The following TRAPPC13 variants were observed in gnomAD, a reference collection of about 807,000 sequenced individuals.
TRAPPC13 encodes REV7-interacting novel NHEJ regulator 1.
In TRAPPC13, 39 loss-of-function variants were observed where a neutral mutation model predicts 54.0. That is an observed-to-expected ratio of 0.72 (90% CI 0.56 to 0.94). The LOEUF is 0.94. Among genes scored for constraint, TRAPPC13 ranks in the 40% least tolerant of loss-of-function variants. The pLI, the probability that TRAPPC13 is intolerant of heterozygous loss-of-function variation, is 0.00. For synonymous variants in TRAPPC13, 148 were observed against 167.7 expected, an observed-to-expected ratio of 0.88 and a Z score of 0.91; for missense variants, 386 against 488.1, an observed-to-expected ratio of 0.79 and a Z score of 1.97.
chr5:65,654,401 C>T (rs1756576339), intron 7 of TRAPPC13, among the ~76,000 whole-genome samples: 1 of 152,054 alleles, frequency 6.6e-6, no homozygotes, highest in African/African-American at 2.4e-5. Context: ...AAACTTCAAT[C>T]AAAATAATTT....
At position 65,665,299 on chromosome 5, in the gene TRAPPC13, A is replaced by G. The variant is rs1757001845; in HGVS notation, c.*688A>G. 6.6e-6 allele frequency: 1 copy of G among 152,196 alleles called. No homozygotes were observed. The highest frequency in any genetic ancestry group is 2.4e-5 in the African/African-American group (1 of 41,456). The allele number at this position is 152,196 out of a possible 1,614,324, so 9.4% of individuals were successfully genotyped here. A position where few individuals can be genotyped will look rare whatever the true frequency, so the allele number is the denominator to read the frequency against. ...GAACTTTGTAATATTTTGGTTAGAA[A>G]TATTTCAGTTAACTCCAGTTTTTTC... is the stretch of plus-strand genomic sequence containing the variant. On this transcript the variant is annotated 3_prime_UTR_variant, in exon 13 of 13. Coordinates refer to ENST00000399438, the MANE Select transcript of TRAPPC13 (RefSeq NM_024941.4).
Position 65,665,401 on chromosome 5 carries a change from C to G in TRAPPC13, c.*790C>G, listed in dbSNP as rs1255498238. On this transcript the variant is annotated 3_prime_UTR_variant, in exon 13 of 13. Coordinates refer to ENST00000399438, the MANE Select transcript of TRAPPC13 (RefSeq NM_024941.4). ...TCTTATAACCTGATATTTGTCAACA[C>G]AGTATAAGCTTTCTAGTTGTTTTCA... 2.0e-5 allele frequency: 3 copies of G among 152,150 alleles called. No individual in the cohort carries two copies. Among genetic ancestry groups the G allele is most frequent in the Admixed American group, 6.5e-5 (1 of 15,270 alleles). 9.4% of individuals were successfully genotyped at this position (152,150 alleles called of 1,614,324 possible). A position where few individuals can be genotyped will look rare whatever the true frequency, so the allele number is the denominator to read the frequency against.
At position 65,637,824 on chromosome 5, in the gene TRAPPC13, AG is replaced by A. The variant is rs756755635; in HGVS notation, c.300+46del. 4 of 1,298,452 alleles carry A rather than the reference AG, an allele frequency of 3.1e-6. No homozygotes were observed. The African/African-American group carries it at 4.6e-5, about 15-fold the overall frequency. The allele number at this position is 1,298,452 out of a possible 1,614,324, so 80.4% of individuals were successfully genotyped here. ...TGGGATGTATTTTAGTCTTTAACAAAGGTTTTTTTTTAGGCCGGGCATGGTG... is the reference window on the plus strand; with the variant it reads ...TGGGATGTATTTTAGTCTTTAACAAAGTTTTTTTTTAGGCCGGGCATGGTG... On this transcript the variant is annotated intron_variant, in intron 4 of 12. Coordinates refer to ENST00000399438, the MANE Select transcript of TRAPPC13 (RefSeq NM_024941.4).
intron 6 of TRAPPC13, 144 bp from the exon 7 acceptor site, chr5:65,652,356 TG>T: frequency 1.2e-5 from 5 of 430,330 alleles, no homozygotes; most frequent in African/African-American, 2.1e-5. Context: ...TTTTTTTTTT[TG>T]GAAGAATATT....
chr5:65,660,399 G>A (rs1375861496), intron 9 of TRAPPC13, among the ~76,000 whole-genome samples: 1 of 150,914 alleles, frequency 6.6e-6, no homozygotes, highest in Non-Finnish European at 1.5e-5. Flanking sequence ...CAGCCTGGGT[G>A]ACAGAGCAAG....
chr5:65,645,176 C>T (rs165978), intron 4 of TRAPPC13, among the ~76,000 whole-genome samples: 84,904 of 143,010 alleles, frequency 0.59, 25,364 homozygotes, highest in Non-Finnish European at 0.64. Context: ...CCAGCCTGGG[C>T]AACAAGAGTG....
intron 11 of TRAPPC13, 67 bp from the exon 12 acceptor site, chr5:65,664,170 G>C: frequency 6.7e-7 from 1 of 1,499,112 alleles, no homozygotes; most frequent in South Asian, 1.3e-5. Context: ...GTCACTAGTA[G>C]AAATATTGCA....
chr5:65,636,648 A>G (rs1398290830), intron 3 of TRAPPC13, among the ~76,000 whole-genome samples: 2 of 152,182 alleles, frequency 1.3e-5, no homozygotes, highest in Non-Finnish European at 2.9e-5. Flanking sequence ...CATCTTTTTC[A>G]GAAGCCAGTC....
chr5:65,629,544 C>G, intron 1 of TRAPPC13: 2 of 1,472,230 alleles, frequency 1.4e-6, no homozygotes, highest in Non-Finnish European at 1.8e-6. Flanking sequence ...AGGAGTTCAA[C>G]TAAGAAATTT....
chr5:65,663,398 T>C (rs1756910001), intron 11 of TRAPPC13: 1 of 152,140 alleles, frequency 6.6e-6, no homozygotes, highest in African/African-American at 2.4e-5. Flanking sequence ...AAATTAACAA[T>C]ATTCATGTAG....
chr5:65,649,160 G>A (rs1209501677), intron 5 of TRAPPC13, among the ~76,000 whole-genome samples: 2 of 152,098 alleles, frequency 1.3e-5, no homozygotes, highest in African/African-American at 2.4e-5. Flanking sequence ...AGGCTTCAGT[G>A]ATCCATGATC....
chr5:65,652,061 G>A (rs966495486), intron 6 of TRAPPC13, among the ~76,000 whole-genome samples: 6 of 151,630 alleles, frequency 4.0e-5, no homozygotes, highest in Non-Finnish European at 8.8e-5. Context: ...ACGGGGTTTT[G>A]CCATGTTGGC....
intron 4 of TRAPPC13, among the ~76,000 whole-genome samples, chr5:65,642,676 C>T (rs905929111): frequency 4.6e-5 from 7 of 151,990 alleles, no homozygotes; most frequent in Non-Finnish European, 7.4e-5. Flanking sequence ...ATTCTCATTA[C>T]TTTTGATTTT....
intron 1 of TRAPPC13, among the ~76,000 whole-genome samples, chr5:65,627,151 A>AAAAAAAAAAAAAAAAAAAAAAAC (rs1755279303): frequency 6.7e-6 from 1 of 149,948 alleles, no homozygotes; most frequent in Non-Finnish European, 1.5e-5. Context: ...AAAAAAAAAA[A>AAAAAAAAAAAAAAAAAAAAAAAC]AAAAAAGAAC....
chr5:65,652,339 CTTTTTTTTTTT>C (rs11354403), intron 6 of TRAPPC13, among the ~76,000 whole-genome samples, 151 bp from the exon 7 acceptor site: 1 of 116,234 alleles, frequency 8.6e-6, no homozygotes, highest in Non-Finnish European at 1.8e-5. Flanking sequence ...TTTTTCTTTT[CTTTTTTTTTTT>C]TTTTTTGGAA....
At chr5:65,637,927 T>C in intron 4 of TRAPPC13, 147 bp downstream of exon 4, 1 of 418,154 alleles carries the variant, frequency 2.4e-6, no homozygotes. Flanking sequence ...AAGACCAGCC[T>C]GGCCAACATG....
At chr5:65,647,864 T>C (rs1756273852) in intron 5 of TRAPPC13, among the ~76,000 whole-genome samples, 1 of 152,196 alleles carries the variant, frequency 6.6e-6, no homozygotes, top group African/African-American at 2.4e-5. Flanking sequence ...CATTGAAGTA[T>C]ATAATATTAG....
intron 4 of TRAPPC13, among the ~76,000 whole-genome samples, chr5:65,642,772 C>T (rs1446166901): frequency 6.6e-6 from 1 of 152,138 alleles, no homozygotes; most frequent in African/African-American, 2.4e-5. Flanking sequence ...GCAATCCTCC[C>T]ATCTTAGCCT....
Position 65,652,529 on chromosome 5 carries a change from A to C in TRAPPC13, c.530A>C (p.Lys177Thr). ...CTCAAACCATTGGATGTGAAAACCA[A>C]ATTTTACAATGCAGAGGTAAGTGTT... The part of the protein sequence containing the change: ...QVLKPLDVKT[K>T]FYNAESDLSS... The change falls in exon 7 of 13, where the codon AAA (lysine) becomes ACA (threonine). Residue 177 changes from lysine (K) to threonine (T), a missense_variant. Transcript: ENST00000399438. 1 of 1,609,106 alleles carries C rather than the reference A, an allele frequency of 6.2e-7. No homozygotes were observed. The highest frequency in any genetic ancestry group is 1.1e-5 in the South Asian group (1 of 90,858).
Sources: allele counts gnomAD v4.1 joint callset (sites outside exome capture counted in the v4.1 genomes callset), GRCh38; gene constraint gnomAD v4.1.1; transcripts MANE v1.5; gene names NCBI Gene and HGNC (gene_info 2026-07-23, HGNC 2026-07-21).